Variants in CDKAL1 observed in about 807,000 individuals in gnomAD.
CDKAL1 encodes threonylcarbamoyladenosine tRNA methylthiotransferase.
A neutral mutation model predicts 68.2 loss-of-function variants in CDKAL1; 32 were observed. That is an observed-to-expected ratio of 0.47 (90% CI 0.35 to 0.63). The LOEUF (loss-of-function observed/expected upper bound fraction) is 0.63, where lower values mean the gene tolerates loss of function less well. Ranked by LOEUF, CDKAL1 falls within the 30% of genes least tolerant of loss-of-function variation. CDKAL1 has a pLI of 0.00. For synonymous variants in CDKAL1, 234 were observed against 244.3 expected (o/e 0.96, Z 0.39); for missense variants, 606 against 696.7 (o/e 0.87, Z 1.47).
At position 20,758,821 on chromosome 6, in the gene CDKAL1, G is replaced by A. The variant is rs138281717; in HGVS notation, c.517+178G>A. ...AGTCTAATATTGGAGGCAGGCACTC[G>A]CTGTATATTTGTTTGGCTTATAAAT... On this transcript the variant is annotated intron_variant, in intron 7 of 15. Transcript: ENST00000274695. Among the ~76,000 whole-genome samples the A allele has an allele frequency of 1.1e-3, 169 of 152,272 alleles. 6 individuals are homozygous for A. In the East Asian group the frequency reaches 0.031, roughly 28 times the overall value.
Position 20,688,062 on chromosome 6 carries a change from G to A in CDKAL1, c.371+38685G>A, listed in dbSNP as rs372861650. On this transcript the variant is annotated intron_variant, in intron 5 of 15. Coordinates refer to ENST00000274695, the MANE Select transcript of CDKAL1 (RefSeq NM_017774.3). ...ATTTTACTTTACCACTCGCTTGTATGGTTTCTAGCAGAAGTAAAATGTAAT... is the reference window on the plus strand; with the variant it reads ...ATTTTACTTTACCACTCGCTTGTATAGTTTCTAGCAGAAGTAAAATGTAAT... 2.0e-5 allele frequency among the ~76,000 whole-genome samples: 3 copies of A among 151,770 alleles called. No homozygotes were observed. The South Asian group carries it at 6.3e-4, about 32-fold the overall frequency.
Position 20,757,027 on chromosome 6 carries a change from A to G in CDKAL1, c.469-1568A>G, listed in dbSNP as rs1307893897. Among the ~76,000 whole-genome samples, 4 of 151,010 alleles carry G rather than the reference A, an allele frequency of 2.6e-5. No homozygotes were observed. In the East Asian group the frequency reaches 7.9e-4, roughly 30 times the overall value. On this transcript the variant is annotated intron_variant, in intron 6 of 15. Transcript: ENST00000274695. ...CAGCTCACTACAACCTCCACCTCCC[A>G]TGTTCAAGTTATTATCTTGCCTCAG...
rs74831353 is a variant in CDKAL1, at chr6:21,184,196, C to T, written c.1300-13825C>T. On this transcript the variant is annotated intron_variant, in intron 13 of 15. Coordinates refer to ENST00000274695, the MANE Select transcript of CDKAL1 (RefSeq NM_017774.3). ...TTACCCCGAAATACATTTCTTTGAC[C>T]TTTTTTTTTTTTTTTTGAGGTGGAG... 1.3e-3 allele frequency among the ~76,000 whole-genome samples: 153 copies of T among 116,946 alleles called. 2 individuals carry two copies. The highest frequency in any genetic ancestry group is 1.6e-3 in the South Asian group (6 of 3,828). The allele number at this position is 116,946 out of a possible 152,430, so 76.7% of individuals were successfully genotyped here. A position where few individuals can be genotyped will look rare whatever the true frequency, so the allele number is the denominator to read the frequency against.
chr6:20,914,393 A>G (rs1291304449), intron 9 of CDKAL1, among the ~76,000 whole-genome samples: 2 of 152,044 alleles, frequency 1.3e-5, no homozygotes, highest in African/African-American at 4.8e-5. Context: ...ACCGCCAAAC[A>G]CTTCCATCTT....
At chr6:20,694,042 TTGTGTGTGTGTGTGTGTGTA>T (rs1383357143) in intron 5 of CDKAL1, among the ~76,000 whole-genome samples, 17 of 114,354 alleles carry the variant, frequency 1.5e-4, no homozygotes, top group South Asian at 6.1e-4. Flanking sequence ...CCGGCTAACT[TTGTGTGTGTGTGTGTGTGTA>T]TGTGTGTGTG....
intron 5 of CDKAL1, among the ~76,000 whole-genome samples, chr6:20,667,966 C>G (rs1332571421): frequency 6.6e-6 from 1 of 152,070 alleles, no homozygotes; most frequent in Non-Finnish European, 1.5e-5. Flanking sequence ...TGTTAGCCAC[C>G]TTATGCCCTT....
At chr6:20,922,843 T>G (rs1020859025) in intron 9 of CDKAL1, among the ~76,000 whole-genome samples, 1 of 152,212 alleles carries the variant, frequency 6.6e-6, no homozygotes, top group African/African-American at 2.4e-5. Context: ...ACCAAATGAT[T>G]TATAATTTAA....
intron 9 of CDKAL1, among the ~76,000 whole-genome samples, chr6:20,936,967 G>A (rs1315333173): frequency 2.6e-5 from 4 of 152,154 alleles, no homozygotes; most frequent in Admixed American, 6.5e-5. Context: ...CTGATAACCC[G>A]TACTCTGCCT....
At chr6:20,689,086 T>G (rs975746021) in intron 5 of CDKAL1, among the ~76,000 whole-genome samples, 2 of 152,214 alleles carry the variant, frequency 1.3e-5, no homozygotes, top group Non-Finnish European at 2.9e-5. Flanking sequence ...CAGGTTAGGC[T>G]GTAGTTAACT....
At chr6:20,688,603 T>G (rs922041178) in intron 5 of CDKAL1, among the ~76,000 whole-genome samples, 4 of 152,206 alleles carry the variant, frequency 2.6e-5, no homozygotes, top group Non-Finnish European at 5.9e-5. Flanking sequence ...TGTTTTTTGT[T>G]CTGTTTTAGA....
At chr6:20,970,696 T>C (rs1444373197) in intron 10 of CDKAL1, among the ~76,000 whole-genome samples, 1 of 152,174 alleles carries the variant, frequency 6.6e-6, no homozygotes, top group Non-Finnish European at 1.5e-5. Context: ...TCACTATTAA[T>C]TGAGTCACCA....
At chr6:20,580,846 A>G (rs1038486626) in intron 4 of CDKAL1, among the ~76,000 whole-genome samples, 9 of 151,496 alleles carry the variant, frequency 5.9e-5, no homozygotes, top group African/African-American at 2.2e-4. Flanking sequence ...CTGAAGTGCA[A>G]TGGTGCGATC....
chr6:21,124,489 T>C (rs1774890924), intron 13 of CDKAL1, among the ~76,000 whole-genome samples: 2 of 151,984 alleles, frequency 1.3e-5, no homozygotes, highest in Admixed American at 1.3e-4. Flanking sequence ...CATCACTGTA[T>C]TTATTACCTC....
chr6:20,729,015 TTAAAG>T (rs1452445759), intron 5 of CDKAL1, among the ~76,000 whole-genome samples: 1 of 152,194 alleles, frequency 6.6e-6, no homozygotes, highest in Non-Finnish European at 1.5e-5. Context: ...ACAGGAAGTG[TTAAAG>T]TAATGAACTC....
At chr6:20,566,639 T>G (rs1764473337) in intron 4 of CDKAL1, among the ~76,000 whole-genome samples, 1 of 152,196 alleles carries the variant, frequency 6.6e-6, no homozygotes, top group Non-Finnish European at 1.5e-5. Context: ...TTTTTTTTCT[T>G]GATTTTTGTT....
intron 9 of CDKAL1, among the ~76,000 whole-genome samples, chr6:20,862,233 T>A (rs959371665): frequency 1.3e-5 from 2 of 152,304 alleles, no homozygotes; most frequent in Admixed American, 1.3e-4. Flanking sequence ...CCAAGTGGCT[T>A]ACAGTTTACA....
chr6:20,682,709 A>G (rs1177262815), intron 5 of CDKAL1, among the ~76,000 whole-genome samples: 1 of 152,198 alleles, frequency 6.6e-6, no homozygotes, highest in East Asian at 1.9e-4. Context: ...TCACAACCCA[A>G]GTTAGATTTC....
intron 10 of CDKAL1, among the ~76,000 whole-genome samples, chr6:20,972,205 A>G (rs1414373704): frequency 1.3e-5 from 2 of 152,218 alleles, no homozygotes; most frequent in East Asian, 1.9e-4. Context: ...ACAGAAAATC[A>G]TATCACAAGA....
At chr6:20,744,653 G>T (rs142361474) in intron 6 of CDKAL1, among the ~76,000 whole-genome samples, 4 of 152,276 alleles carry the variant, frequency 2.6e-5, no homozygotes, top group African/African-American at 9.6e-5. Flanking sequence ...TCTGCTGGTT[G>T]TGAGTTGTGT....
Sources: gnomAD v4.1 joint callset for allele counts (sites outside exome capture counted in the v4.1 genomes callset) on GRCh38, gnomAD v4.1.1 for gene constraint, MANE v1.5 for transcripts, NCBI Gene and HGNC (gene_info 2026-07-23, HGNC 2026-07-21) for gene names.